Variants in USP37 observed in about 807,000 individuals in gnomAD.
USP37 encodes ubiquitin carboxyl-terminal hydrolase 37.
Under a neutral mutation model 124.0 loss-of-function variants are expected in USP37, and 27 were observed. The observed-to-expected ratio is 0.22, with a 90% CI of 0.16 to 0.30. The LOEUF (loss-of-function observed/expected upper bound fraction) is 0.30. Among genes scored for constraint, USP37 ranks in the 10% least tolerant of loss-of-function variants. The pLI is 1.00. For missense variants in USP37, 889 were observed against 1,140.4 expected (o/e 0.78, Z 3.17); for synonymous variants, 365 against 388.0 (o/e 0.94, Z 0.70).
chr2:218,510,402 T>C (rs1315405328), intron 10 of USP37, among the ~76,000 whole-genome samples: 2 of 152,044 alleles, frequency 1.3e-5, no homozygotes, highest in Admixed American at 6.6e-5. Context: ...AAGAAAACAA[T>C]ACATATAGTT....
At chr2:218,516,890 C>T (rs1021205860) in intron 10 of USP37, among the ~76,000 whole-genome samples, 1 of 152,122 alleles carries the variant, frequency 6.6e-6, no homozygotes, top group Non-Finnish European at 1.5e-5. Context: ...ATATATAAAA[C>T]CTTGAGTTCA....
Position 218,485,938 on chromosome 2 carries a change from C to G in USP37, c.1591-195G>C, listed in dbSNP as rs149111170. Among the ~76,000 whole-genome samples the G allele has an allele frequency of 6.0e-3, 910 of 152,196 alleles. 9 individuals carry two copies. Among genetic ancestry groups the G allele is most frequent in the African/African-American group, 0.02 (838 of 41,512 alleles). On this transcript the variant is annotated intron_variant, in intron 15 of 25. Transcript: ENST00000258399. ...CAAAATATACCTATAATATCATGCCCCATTTCAGAACTTCTAATTTCCTTT... is the reference window on the plus strand; with the variant it reads ...CAAAATATACCTATAATATCATGCCGCATTTCAGAACTTCTAATTTCCTTT...
intron 10 of USP37, among the ~76,000 whole-genome samples, chr2:218,521,191 CTG>C (rs1690594043): frequency 6.6e-6 from 1 of 152,182 alleles, no homozygotes; most frequent in South Asian, 2.1e-4. Flanking sequence ...GCCTGCAGAA[CTG>C]TGTGTCAACT....
chr2:218,559,258 C>T (rs1286913534), intron 3 of USP37, among the ~76,000 whole-genome samples: 3 of 152,074 alleles, frequency 2.0e-5, no homozygotes, highest in Admixed American at 2.0e-4. Flanking sequence ...CTGCAGTGAG[C>T]CATGACTACC....
chr2:218,563,089 G>A (rs765656463), intron 1 of USP37, among the ~76,000 whole-genome samples: 27 of 151,554 alleles, frequency 1.8e-4, no homozygotes, highest in Non-Finnish European at 3.5e-4. Flanking sequence ...CTTGAACCCA[G>A]GAGGTGGAGG....
At chr2:218,549,654 G>A (rs1220044594) in intron 6 of USP37, among the ~76,000 whole-genome samples, 155 bp downstream of exon 6, 2 of 151,978 alleles carry the variant, frequency 1.3e-5, no homozygotes, top group Non-Finnish European at 2.9e-5. Context: ...TAGTAGAGAT[G>A]GGGTTTCACC....
chr2:218,504,867 G>A (rs1274188205), intron 11 of USP37, among the ~76,000 whole-genome samples: 2 of 152,126 alleles, frequency 1.3e-5, no homozygotes, highest in Non-Finnish European at 2.9e-5. Flanking sequence ...GATTACAGGC[G>A]TGAGCCATTA....
At chr2:218,559,553 C>G (rs2106060322) in intron 3 of USP37, among the ~76,000 whole-genome samples, 1 of 152,128 alleles carries the variant, frequency 6.6e-6, no homozygotes, top group African/African-American at 2.4e-5. Flanking sequence ...AACAAAAAAC[C>G]TCTCTTCCAA....
intron 5 of USP37, 35 bp from the exon 6 acceptor site, chr2:218,549,944 C>T: frequency 6.8e-7 from 1 of 1,471,328 alleles, no homozygotes; most frequent in Non-Finnish European, 9.3e-7. Context: ...TTTAAAATCC[C>T]CAAATCACTC....
chr2:218,462,207 C>G (rs528312019), intron 22 of USP37, among the ~76,000 whole-genome samples: 1 of 151,692 alleles, frequency 6.6e-6, no homozygotes. Flanking sequence ...TGGTGGTGCA[C>G]GCCTATAGTC....
At position 218,454,757 on chromosome 2, in the gene USP37, A is replaced by G. The variant is rs988582708; in HGVS notation, c.*173T>C. ...ACGGATGTGAGACCAAAGTTTCCAT[A>G]AAATAGCATGGAGCATTCTACGTTA... On this transcript the variant is annotated 3_prime_UTR_variant, in exon 26 of 26. Coordinates refer to ENST00000258399, the MANE Select transcript of USP37 (RefSeq NM_020935.3). 7.4e-7 allele frequency: 1 copy of G among 1,353,090 alleles called. No homozygotes were observed. Among genetic ancestry groups the G allele is most frequent in the African/African-American group, 1.5e-5 (1 of 68,448 alleles). 83.8% of individuals were successfully genotyped at this position (1,353,090 alleles called of 1,614,324 possible).
intron 13 of USP37, among the ~76,000 whole-genome samples, chr2:218,497,059 GTTAT>G (rs1303136613): frequency 5.9e-5 from 9 of 151,806 alleles, no homozygotes; most frequent in Non-Finnish European, 1.3e-4. Flanking sequence ...TTTCTTACAC[GTTAT>G]TTATTTGTTT....
intron 16 of USP37, among the ~76,000 whole-genome samples, chr2:218,482,915 T>C (rs1482730546): frequency 6.6e-6 from 1 of 152,162 alleles, no homozygotes; most frequent in Non-Finnish European, 1.5e-5. Flanking sequence ...ATGGATTAAA[T>C]ATATTTCTCA....
At chr2:218,462,531 CCTTATG>C (rs1690070692) in intron 22 of USP37, among the ~76,000 whole-genome samples, 1 of 152,122 alleles carries the variant, frequency 6.6e-6, no homozygotes, top group Non-Finnish European at 1.5e-5. Flanking sequence ...GACATGTGAA[CCTTATG>C]CTACTGAATA....
intron 11 of USP37, among the ~76,000 whole-genome samples, chr2:218,502,032 T>C (rs1327074821): frequency 1.3e-5 from 2 of 152,122 alleles, no homozygotes; most frequent in African/African-American, 4.8e-5. Context: ...AAAGGAACTA[T>C]GCTTTAGGAA....
chr2:218,465,103 A>C (rs1356852139), intron 21 of USP37, among the ~76,000 whole-genome samples: 2 of 152,078 alleles, frequency 1.3e-5, no homozygotes, highest in East Asian at 3.8e-4. Flanking sequence ...AAGACAGATA[A>C]ATGTTCTAAT....
At position 218,451,425 on chromosome 2, in the gene USP37, C is replaced by T. The variant is rs1404932239; in HGVS notation, c.*3505G>A. On this transcript the variant is annotated 3_prime_UTR_variant, in exon 26 of 26. Transcript: ENST00000258399. ...CCTCCAACCACCCTAAATGGGATAA[C>T]TAAGAGTATCTACTGCAGTCATTTC... The T allele has an allele frequency of 6.6e-6, 1 of 152,104 alleles. No individual in the cohort carries two copies. The highest frequency in any genetic ancestry group is 1.5e-5 in the Non-Finnish European group (1 of 68,008). The allele number at this position is 152,104 out of a possible 1,614,324, so 9.4% of individuals were successfully genotyped here. A position where few individuals can be genotyped will look rare whatever the true frequency, so the allele number is the denominator to read the frequency against.
intron 25 of USP37, 40 bp from the exon 26 acceptor site, chr2:218,455,057 G>A: frequency 6.2e-7 from 1 of 1,609,970 alleles, no homozygotes; most frequent in South Asian, 1.1e-5. Context: ...TGGAAATTTA[G>A]TAAGCAGAAC....
At chr2:218,551,857 A>G (rs866234737) in intron 5 of USP37, among the ~76,000 whole-genome samples, 2 of 151,912 alleles carry the variant, frequency 1.3e-5, no homozygotes, top group Admixed American at 6.6e-5. Context: ...CAGTGGCGCA[A>G]TCTCGGCTCA....
Sources: gnomAD v4.1 joint callset for allele counts (sites outside exome capture counted in the v4.1 genomes callset) on GRCh38, gnomAD v4.1.1 for gene constraint, MANE v1.5 for transcripts, NCBI Gene and HGNC (gene_info 2026-07-23, HGNC 2026-07-21) for gene names.